Variants in ADARB2 observed in about 807,000 individuals in gnomAD.
ADARB2 encodes the protein inactive double-stranded RNA-specific editase B2.
ADARB2 carries 25 observed loss-of-function variants against 62.2 expected under a neutral mutation model. The ratio of observed to expected loss-of-function variants is 0.40; its 90% CI spans 0.29 to 0.56. The LOEUF (loss-of-function observed/expected upper bound fraction) is 0.56, where lower values mean the gene tolerates loss of function less well. Among genes scored for constraint, ADARB2 ranks in the 20% least tolerant of loss-of-function variants. The pLI is 0.43. For synonymous variants in ADARB2, 572 were observed against 500.8 expected (o/e 1.14, Z -1.90); for missense variants, 1,071 against 1,077.4 (o/e 0.99, Z 0.08).
Position 1,352,462 on chromosome 10 carries a change from A to G in ADARB2, c.1077+10566T>C, listed in dbSNP as rs566435092. Among the ~76,000 whole-genome samples, 5 of 152,128 alleles carry G rather than the reference A, an allele frequency of 3.3e-5. No homozygotes were observed. In the South Asian group the frequency reaches 1.0e-3, roughly 32 times the overall value. ...CTGACTCATCCTGACCCTTTTCATT[A>G]CCCACAGCTGAAGTGCAGGGCTGTG... On this transcript the variant is annotated intron_variant, in intron 3 of 9. Transcript: ENST00000381312.
chr10:1,527,776 C>T (rs1564317981), intron 1 of ADARB2, among the ~76,000 whole-genome samples: 1 of 152,228 alleles, frequency 6.6e-6, no homozygotes, highest in East Asian at 1.9e-4. Flanking sequence ...AGCCGTCCAG[C>T]GTGAGATATT....
intron 1 of ADARB2, among the ~76,000 whole-genome samples, chr10:1,719,174 G>A (rs1450477459): frequency 6.6e-6 from 1 of 152,078 alleles, no homozygotes; most frequent in African/African-American, 2.4e-5. Context: ...ATGTTGGCCA[G>A]GCTGGTCTTG....
chr10:1,620,160 A>G (rs1437686811), intron 1 of ADARB2, among the ~76,000 whole-genome samples: 2 of 152,144 alleles, frequency 1.3e-5, no homozygotes, highest in Non-Finnish European at 2.9e-5. Context: ...ACTAAAATCA[A>G]AGTAAGACAT....
intron 1 of ADARB2, among the ~76,000 whole-genome samples, chr10:1,705,492 G>C (rs570664656): frequency 2.6e-5 from 4 of 152,362 alleles, no homozygotes; most frequent in African/African-American, 9.6e-5. Flanking sequence ...GGGCTGCAAG[G>C]CCAGGTAGGT....
At chr10:1,467,798 T>C (rs1045307651) in intron 1 of ADARB2, among the ~76,000 whole-genome samples, 1 of 152,220 alleles carries the variant, frequency 6.6e-6, no homozygotes. Flanking sequence ...TATTCCATCC[T>C]GTGCTTTTGA....
chr10:1,539,235 G>A (rs1026105809), intron 1 of ADARB2, among the ~76,000 whole-genome samples: 2 of 152,204 alleles, frequency 1.3e-5, no homozygotes, highest in Admixed American at 6.5e-5. Flanking sequence ...CTTGTCTCTC[G>A]TTTATTTATT....
At chr10:1,297,117 A>G (rs928190509) in intron 3 of ADARB2, among the ~76,000 whole-genome samples, 1 of 152,234 alleles carries the variant, frequency 6.6e-6, no homozygotes, top group Non-Finnish European at 1.5e-5. Context: ...GCATAATGTT[A>G]TTTGGAAATA....
At chr10:1,662,321 T>C (rs936544752) in intron 1 of ADARB2, among the ~76,000 whole-genome samples, 6 of 152,152 alleles carry the variant, frequency 3.9e-5, no homozygotes, top group African/African-American at 1.4e-4. Context: ...GGAGAGGAGA[T>C]GGGCCTCCAT....
intron 7 of ADARB2, among the ~76,000 whole-genome samples, chr10:1,200,790 T>A (rs551983794): frequency 6.6e-6 from 1 of 152,238 alleles, no homozygotes; most frequent in East Asian, 1.9e-4. Context: ...AGGTTCCATG[T>A]GTGTGTTTTT....
chr10:1,651,041 C>T (rs534089614), intron 1 of ADARB2, among the ~76,000 whole-genome samples: 213 of 152,340 alleles, frequency 1.4e-3, no homozygotes, highest in Non-Finnish European at 2.6e-3. Flanking sequence ...GAACACACAA[C>T]GCTTCAGATG....
chr10:1,676,866 G>A (rs1834472612), intron 1 of ADARB2, among the ~76,000 whole-genome samples: 1 of 150,720 alleles, frequency 6.6e-6, no homozygotes, highest in South Asian at 2.1e-4. Context: ...GAGAGAAGGT[G>A]GGTGAGGCCC....
intron 3 of ADARB2, among the ~76,000 whole-genome samples, chr10:1,353,973 A>G (rs1191105868): frequency 6.6e-6 from 1 of 152,164 alleles, no homozygotes; most frequent in African/African-American, 2.4e-5. Flanking sequence ...AGACACTCGA[A>G]CAAAACCGTA....
chr10:1,595,711 A>G (rs1833323977), intron 1 of ADARB2, among the ~76,000 whole-genome samples: 1 of 152,162 alleles, frequency 6.6e-6, no homozygotes, highest in African/African-American at 2.4e-5. Flanking sequence ...TGTCTTCACA[A>G]TTTCTACAAT....
intron 8 of ADARB2, chr10:1,199,556 A>G (rs1836956281): frequency 5.9e-6 from 1 of 170,062 alleles, no homozygotes; most frequent in South Asian, 2.0e-4. Context: ...TGGCCACGTG[A>G]CCTTGGCGCC....
chr10:1,363,603 C>T lies in ADARB2; in HGVS notation c.502G>A (p.Glu168Lys), dbSNP rs1451981579. ...VAVEVNGLTF[E>K]GTGPTKKKAK... The stretch of plus-strand genomic sequence containing the variant: ...TTCTTCTTGGTGGGGCCTGTGCCCT[C>T]GAACGTGAGCCCGTTCACCTCCACC... Residue 168 changes from glutamate to lysine, a missense_variant, in exon 3 of 10, where the codon GAG becomes AAG. Coordinates refer to ENST00000381312, the MANE Select transcript of ADARB2 (RefSeq NM_018702.4). The T allele has an allele frequency of 6.2e-7, 1 of 1,601,074 alleles. No homozygotes were observed. Among genetic ancestry groups the T allele is most frequent in the South Asian group, 1.1e-5 (1 of 89,994 alleles).
chr10:1,326,822 G>T (rs112993791), intron 3 of ADARB2, among the ~76,000 whole-genome samples: 1,613 of 51,940 alleles, frequency 0.031, 97 homozygotes, highest in East Asian at 0.095. Flanking sequence ...GCCTCCCCAC[G>T]GCCCAGCGCC....
chr10:1,306,566 G>A (rs1831631591), intron 3 of ADARB2, among the ~76,000 whole-genome samples: 1 of 151,202 alleles, frequency 6.6e-6, no homozygotes, highest in Non-Finnish European at 1.5e-5. Flanking sequence ...CTACTTTAAA[G>A]TTCATATGGA....
chr10:1,705,475 G>T (rs78133420), intron 1 of ADARB2, among the ~76,000 whole-genome samples: 1 of 152,224 alleles, frequency 6.6e-6, no homozygotes. Flanking sequence ...GGCAGATGGG[G>T]TGAGAAGGGC....
chr10:1,530,530 C>A (rs752955106), intron 1 of ADARB2, among the ~76,000 whole-genome samples: 30 of 152,240 alleles, frequency 2.0e-4, no homozygotes, highest in Non-Finnish European at 3.7e-4. Flanking sequence ...AGCCACAGGA[C>A]GAGACTCCTT....
Sources: gnomAD v4.1 joint callset for allele counts (sites outside exome capture counted in the v4.1 genomes callset) on GRCh38, gnomAD v4.1.1 for gene constraint, MANE v1.5 for transcripts, NCBI Gene and HGNC (gene_info 2026-07-23, HGNC 2026-07-21) for gene names.